DPYD: variants seen among roughly 807,000 people sequenced by gnomAD.
The protein encoded by DPYD is dihydropyrimidine dehydrogenase.
A neutral mutation model predicts 116.2 loss-of-function variants in DPYD; 109 were observed. That is an observed-to-expected ratio of 0.94 (90% CI 0.80 to 1.10). DPYD has a LOEUF of 1.10. Among genes scored for constraint, DPYD ranks in the 50% least tolerant of loss-of-function variants. DPYD has a pLI of 0.00. For synonymous variants in DPYD, 440 were observed against 432.0 expected, an observed-to-expected ratio of 1.02 and a Z score of -0.23; for missense variants, 1,302 against 1,254.5, an observed-to-expected ratio of 1.04 and a Z score of -0.57.
intron 1 of DPYD, among the ~76,000 whole-genome samples, chr1:97,899,319 C>A (rs1436086665): frequency 6.6e-6 from 1 of 151,826 alleles, no homozygotes; most frequent in Non-Finnish European, 1.5e-5. Flanking sequence ...GGCAACTCTT[C>A]ACATGTTGTC....
At chr1:97,256,233 G>A (rs539459175) in intron 18 of DPYD, among the ~76,000 whole-genome samples, 15 of 152,192 alleles carry the variant, frequency 9.9e-5, no homozygotes, top group Admixed American at 2.6e-4. Context: ...CCCAATAATA[G>A]CAGTCTTTAT....
intron 16 of DPYD, among the ~76,000 whole-genome samples, chr1:97,313,520 T>C (rs891182206): frequency 6.6e-6 from 1 of 151,714 alleles, no homozygotes; most frequent in African/African-American, 2.4e-5. Flanking sequence ...TGTGTGTGTG[T>C]GTGGCTACTT....
chr1:97,384,246 G>GA (rs11286049), intron 14 of DPYD, among the ~76,000 whole-genome samples: 10,312 of 138,488 alleles, frequency 0.074, 449 homozygotes, highest in Middle Eastern at 0.13. Flanking sequence ...TTTACTTTGA[G>GA]AAAAAAAAAA....
At chr1:97,187,864 CA>C (rs1404415546) in intron 20 of DPYD, among the ~76,000 whole-genome samples, 6 of 152,068 alleles carry the variant, frequency 3.9e-5, no homozygotes, top group Non-Finnish European at 8.8e-5. Context: ...TCAACTTTGT[CA>C]AAGGTCAGTT....
chr1:97,809,125 G>T (rs967405086), intron 3 of DPYD, among the ~76,000 whole-genome samples: 2 of 152,248 alleles, frequency 1.3e-5, no homozygotes, highest in Admixed American at 1.3e-4. Flanking sequence ...AGTGGGTTTT[G>T]AACAGAAGAG....
chr1:97,450,188 C>T lies in DPYD; in HGVS notation c.1776G>A (p.Arg592=). The part of the protein sequence containing the change: ...IVTNVSPRII[R]GTTSGPMYGP... Reference sequence around the variant, plus strand: ...CATACATGGGGCCAGAGGTGGTTCCCCGGATGATTCTGGGGGAAACATTTG... The same window carrying T: ...CATACATGGGGCCAGAGGTGGTTCCTCGGATGATTCTGGGGGAAACATTTG... The change falls in exon 14 of 23, where the codon CGG becomes CGA. Residue 592 remains arginine, a synonymous_variant. Transcript: ENST00000370192. 1 of 1,613,656 alleles carries T rather than the reference C, an allele frequency of 6.2e-7. No homozygotes were observed. Among genetic ancestry groups the T allele is most frequent in the African/African-American group, 1.3e-5 (1 of 74,970 alleles).
intron 13 of DPYD, among the ~76,000 whole-genome samples, chr1:97,507,004 C>T (rs766787501): frequency 6.6e-6 from 1 of 151,908 alleles, no homozygotes; most frequent in Non-Finnish European, 1.5e-5. Context: ...TGTGTACACA[C>T]GAGTGTGCAA....
At chr1:97,690,780 T>C (rs888999592) in intron 7 of DPYD, among the ~76,000 whole-genome samples, 29 of 152,212 alleles carry the variant, frequency 1.9e-4, no homozygotes, top group African/African-American at 6.5e-4. Flanking sequence ...ATCTATACTA[T>C]GTGTTTTTAT....
intron 19 of DPYD, among the ~76,000 whole-genome samples, chr1:97,202,496 C>T (rs1426978534): frequency 2.0e-5 from 3 of 152,130 alleles, no homozygotes; most frequent in Non-Finnish European, 4.4e-5. Flanking sequence ...AATATGTTTT[C>T]AAGGTATATT....
chr1:97,842,161 G>A (rs1571451751), intron 2 of DPYD, among the ~76,000 whole-genome samples: 1 of 151,614 alleles, frequency 6.6e-6, no homozygotes, highest in African/African-American at 2.4e-5. Context: ...TGCTACACAG[G>A]GAAAGATGTT....
chr1:97,883,081 A>AT (rs1329606168), intron 2 of DPYD, among the ~76,000 whole-genome samples, 183 bp downstream of exon 2: 6 of 151,970 alleles, frequency 3.9e-5, no homozygotes, highest in African/African-American at 1.4e-4. Flanking sequence ...ATTTCAGGAG[A>AT]TTTTTTAAAG....
intron 14 of DPYD, among the ~76,000 whole-genome samples, chr1:97,416,926 A>T (rs1490927478): frequency 6.6e-6 from 1 of 152,202 alleles, no homozygotes; most frequent in African/African-American, 2.4e-5. Flanking sequence ...TTAATTAAAC[A>T]ATTTCAATTT....
intron 18 of DPYD, among the ~76,000 whole-genome samples, chr1:97,245,980 C>T (rs1382561740): frequency 1.3e-5 from 2 of 152,094 alleles, no homozygotes; most frequent in Non-Finnish European, 2.9e-5. Context: ...TCTACTGAAA[C>T]ACAGGCTGTA....
chr1:97,645,370 T>C (rs558344615), intron 8 of DPYD, among the ~76,000 whole-genome samples: 1 of 152,138 alleles, frequency 6.6e-6, no homozygotes, highest in Non-Finnish European at 1.5e-5. Flanking sequence ...AAGTTGAGCA[T>C]CTCTTCAAAA....
intron 2 of DPYD, among the ~76,000 whole-genome samples, chr1:97,874,818 C>T (rs1671826523): frequency 6.6e-6 from 1 of 151,878 alleles, no homozygotes; most frequent in Non-Finnish European, 1.5e-5. Context: ...TCTCTCTGTA[C>T]ATGCTTTATT....
At chr1:97,906,102 C>T (rs917863827) in intron 1 of DPYD, among the ~76,000 whole-genome samples, 5 of 152,162 alleles carry the variant, frequency 3.3e-5, no homozygotes, top group South Asian at 2.1e-4. Context: ...TTACACCTGC[C>T]TCACACCTGA....
chr1:97,079,710 A>G (rs895443391), intron 22 of DPYD, among the ~76,000 whole-genome samples: 1 of 152,194 alleles, frequency 6.6e-6, no homozygotes, highest in Non-Finnish European at 1.5e-5. Context: ...ATTGTCCACC[A>G]CGAAGGGGAA....
intron 8 of DPYD, among the ~76,000 whole-genome samples, chr1:97,632,661 C>T (rs1241962398): frequency 2.0e-5 from 3 of 152,066 alleles, no homozygotes; most frequent in Admixed American, 6.6e-5. Flanking sequence ...TCTGACTTCC[C>T]CAAGTTCAAC....
chr1:97,157,257 AAAGTAT>A, intron 20 of DPYD, among the ~76,000 whole-genome samples: 1 of 152,122 alleles, frequency 6.6e-6, no homozygotes, highest in South Asian at 2.1e-4. Context: ...CCTAAAACTT[AAAGTAT>A]AATAATAATA....
Sources: allele counts gnomAD v4.1 joint callset (sites outside exome capture counted in the v4.1 genomes callset), GRCh38; gene constraint gnomAD v4.1.1; transcripts MANE v1.5; gene names NCBI Gene and HGNC (gene_info 2026-07-23, HGNC 2026-07-21).